The following TSC22D2 variants were observed in gnomAD, a reference collection of about 807,000 sequenced individuals.
TSC22D2 encodes TSC22 domain family member 2, also known as TSC22 domain family protein 2.
TSC22D2 carries 5 observed loss-of-function variants against 50.1 expected under a neutral mutation model. That is an observed-to-expected ratio of 0.10 (90% confidence interval 0.05 to 0.21). The LOEUF (loss-of-function observed/expected upper bound fraction) is 0.21, where lower values mean the gene tolerates loss of function less well. TSC22D2 is among the 10% of genes least tolerant of loss of function. The pLI, the probability that TSC22D2 is intolerant of heterozygous loss-of-function variation, is 1.00. For missense variants in TSC22D2, 1,003 were observed against 1,015.5 expected (o/e 0.99, Z 0.17); for synonymous variants, 501 against 450.1 (o/e 1.11, Z -1.43).
In TSC22D2 at chr3:150,456,740, C is replaced by T. The variant is rs140674172; in HGVS notation, c.1959-336C>T. ...GGTTAATGTAGAAATTTAAGAGATA[C>T]GGAGAAGACACTGCCCATTTAAAAT... On this transcript the variant is annotated intron_variant, in intron 1 of 2. Transcript: ENST00000688009. Among the ~76,000 whole-genome samples, 7 of 152,164 alleles carry T rather than the reference C, an allele frequency of 4.6e-5. No homozygotes were observed. The East Asian group carries it at 1.2e-3, about 25-fold the overall frequency.
intron 1 of TSC22D2, among the ~76,000 whole-genome samples, chr3:150,430,152 GCTT>G (rs1423799177): frequency 1.3e-5 from 2 of 152,090 alleles, no homozygotes; most frequent in East Asian, 1.9e-4. Context: ...ATTGGTCAAA[GCTT>G]CTTCAGGAGG....
rs1721295037 is a variant in TSC22D2, at chr3:150,459,167, A to G, written c.*531A>G. 1 of 152,706 alleles carries G rather than the reference A, an allele frequency of 6.5e-6. No individual in the cohort carries two copies. Among genetic ancestry groups the G allele is most frequent in the Admixed American group, 6.5e-5 (1 of 15,278 alleles). The allele number at this position is 152,706 out of a possible 1,614,324, so 9.5% of individuals were successfully genotyped here. A position where few individuals can be genotyped will look rare whatever the true frequency, so the allele number is the denominator to read the frequency against. On this transcript the variant is annotated 3_prime_UTR_variant, in exon 3 of 3. Coordinates refer to ENST00000688009, the MANE Select transcript of TSC22D2 (RefSeq NM_001303264.2). ...AATAATTATAAGTATCAGTAAAGGAAGTGAAAGACAGGATTGCATTTAATA... is the reference window on the plus strand; with the variant it reads ...AATAATTATAAGTATCAGTAAAGGAGGTGAAAGACAGGATTGCATTTAATA...
Position 150,411,119 on chromosome 3 carries a change from A to T in TSC22D2, c.1769A>T (p.Gln590Leu). Reference protein sequence around the residue: ...FQTQTQPLVGQVDDTRRKSEP... With the variant: ...FQTQTQPLVGLVDDTRRKSEP... ...ACTCAGACCCAGCCTTTAGTCGGGC[A>T]AGTCGACGATACTAGAAGAAAATCA... The change falls in exon 1 of 3, where the codon CAA becomes CTA. Residue 590 changes from glutamine to leucine, a missense_variant. Physicochemically the swap from Gln to Leu is moderately radical, Grantham distance 113. Coordinates refer to ENST00000688009, the MANE Select transcript of TSC22D2 (RefSeq NM_001303264.2). The T allele has an allele frequency of 6.2e-7, 1 of 1,614,152 alleles. No homozygotes were observed. Among genetic ancestry groups the T allele is most frequent in the Non-Finnish European group, 8.5e-7 (1 of 1,180,024 alleles).
In TSC22D2 at chr3:150,409,994, A is replaced by G; in HGVS notation, c.644A>G (p.Asp215Gly). ...ACTTTTGACCAGACTGCGGAGCGGG[A>G]CAGCGGCCTGGGCGCCACCGGAGGG... is the stretch of plus-strand genomic sequence containing the variant. ...SSTFDQTAER[D>G]SGLGATGGSV... is the part of the protein sequence containing the mutation. The change falls in exon 1 of 3, where the codon GAC becomes GGC. Residue 215 changes from aspartate to glycine, a missense_variant. Asp to Gly is a moderately conservative substitution (Grantham distance 94). This residue lies in a region of TSC22D2 where 696 missense variants were observed against 647.8 expected (regional missense o/e 1.07). Transcript: ENST00000688009. The surrounding 1 kb of genome is among the most constrained non-coding windows in gnomAD (Gnocchi z 7.4). 6.2e-7 allele frequency: 1 copy of G among 1,613,670 alleles called. No homozygotes were observed. Among genetic ancestry groups the G allele is most frequent in the Non-Finnish European group, 8.5e-7 (1 of 1,180,018 alleles).
chr3:150,453,467 C>T (rs1450343), intron 1 of TSC22D2, among the ~76,000 whole-genome samples: 119,989 of 152,216 alleles, frequency 0.79, 48,045 homozygotes, highest in African/African-American at 0.92. Context: ...ATTGGTATCT[C>T]CATCGTAAAT....
chr3:150,433,037 T>G (rs192116113), intron 1 of TSC22D2, among the ~76,000 whole-genome samples: 2 of 152,322 alleles, frequency 1.3e-5, no homozygotes, highest in African/African-American at 4.8e-5. Flanking sequence ...GTGTTTAAAC[T>G]TTAGTTGGCT....
At position 150,460,464 on chromosome 3, in the gene TSC22D2, A is replaced by G. The variant is rs1049337128; in HGVS notation, c.*1828A>G. 1.3e-5 allele frequency: 2 copies of G among 152,034 alleles called. No homozygotes were observed. The highest frequency in any genetic ancestry group is 2.9e-5 in the Non-Finnish European group (2 of 68,032). 9.4% of individuals were successfully genotyped at this position (152,034 alleles called of 1,614,324 possible). A position where few individuals can be genotyped will look rare whatever the true frequency, so the allele number is the denominator to read the frequency against. On this transcript the variant is annotated 3_prime_UTR_variant, in exon 3 of 3. Coordinates refer to ENST00000688009, the MANE Select transcript of TSC22D2 (RefSeq NM_001303264.2). ...AAGACTTATTTGAAGTAAAAATTTA[A>G]TCAGATTAGCCACAAACAAACAAGG...
chr3:150,420,887 G>A (rs1386474488), intron 1 of TSC22D2, among the ~76,000 whole-genome samples: 2 of 152,164 alleles, frequency 1.3e-5, no homozygotes, highest in African/African-American at 4.8e-5. Flanking sequence ...TTTGAGGCCA[G>A]CCTGGCCAAC....
chr3:150,455,721 CT>C (rs976777051), intron 1 of TSC22D2, among the ~76,000 whole-genome samples: 1 of 152,110 alleles, frequency 6.6e-6, no homozygotes, highest in African/African-American at 2.4e-5. Context: ...TCCACACCAT[CT>C]AAAGTAAAGT....
chr3:150,446,984 A>G (rs1720907757), intron 1 of TSC22D2, among the ~76,000 whole-genome samples: 2 of 152,228 alleles, frequency 1.3e-5, no homozygotes, highest in South Asian at 4.1e-4. Context: ...CTTTCAAGAA[A>G]TAGGCATAAA....
At chr3:150,457,986 A>T (rs1424605235) in intron 2 of TSC22D2, among the ~76,000 whole-genome samples, 1 of 152,218 alleles carries the variant, frequency 6.6e-6, no homozygotes, top group African/African-American at 2.4e-5. Flanking sequence ...GTCCAAAATT[A>T]CAGATCACTT....
chr3:150,461,227 T>A lies in TSC22D2; in HGVS notation c.*2591T>A, dbSNP rs1045256850. ...AAAAATGCAGAATTATTGTGGTGTC[T>A]GCCCTCTGCTTTCCCATCATCCCCT... is the stretch of plus-strand genomic sequence containing the variant. On this transcript the variant is annotated 3_prime_UTR_variant, in exon 3 of 3. Transcript: ENST00000688009. The A allele has an allele frequency of 6.6e-6, 1 of 152,200 alleles. No homozygotes were observed. Among genetic ancestry groups the A allele is most frequent in the Non-Finnish European group, 1.5e-5 (1 of 68,042 alleles). 9.4% of individuals were successfully genotyped at this position (152,200 alleles called of 1,614,324 possible). A position where few individuals can be genotyped will look rare whatever the true frequency, so the allele number is the denominator to read the frequency against.
In TSC22D2 at chr3:150,462,221, A is replaced by G. The variant is rs4414875; in HGVS notation, c.*3585A>G. 0.52 allele frequency: 79,570 copies of G among 151,902 alleles called. 20,974 individuals are homozygous for G. The highest frequency in any genetic ancestry group is 0.68 in the Middle Eastern group (199 of 294). The allele number at this position is 151,902 out of a possible 1,614,324, so 9.4% of individuals were successfully genotyped here. A position where few individuals can be genotyped will look rare whatever the true frequency, so the allele number is the denominator to read the frequency against. On this transcript the variant is annotated 3_prime_UTR_variant, in exon 3 of 3. Coordinates refer to ENST00000688009, the MANE Select transcript of TSC22D2 (RefSeq NM_001303264.2). ...GGAAGGGTGTTCCAAGCACAAGAAA[A>G]GAGAACTCAATGGCTTAAAAGTATA...
At chr3:150,445,366 G>A (rs1720850992) in intron 1 of TSC22D2, among the ~76,000 whole-genome samples, 2 of 149,464 alleles carry the variant, frequency 1.3e-5, no homozygotes, top group Non-Finnish European at 3.0e-5. Flanking sequence ...AATAAGCCTT[G>A]TAAATGTAAA....
Position 150,460,129 on chromosome 3 carries a change from CTA to C in TSC22D2, c.*1497_*1498del, listed in dbSNP as rs1312973349. ...TGCAGTTTTGTTGAAATATTTGGCT[CTA>C]TATGTGTTCAAAATTTGACTAGATT... On this transcript the variant is annotated 3_prime_UTR_variant, in exon 3 of 3. Coordinates refer to ENST00000688009, the MANE Select transcript of TSC22D2 (RefSeq NM_001303264.2). 2 of 152,050 alleles carry C rather than the reference CTA, an allele frequency of 1.3e-5. No homozygotes were observed. Among genetic ancestry groups the C allele is most frequent in the African/African-American group, 4.8e-5 (2 of 41,422 alleles). The allele number at this position is 152,050 out of a possible 1,614,324, so 9.4% of individuals were successfully genotyped here.
chr3:150,434,493 T>C (rs146191047), intron 1 of TSC22D2, among the ~76,000 whole-genome samples: 3 of 152,316 alleles, frequency 2.0e-5, no homozygotes, highest in East Asian at 3.9e-4. Flanking sequence ...ATTATACATA[T>C]ATTTGAGTAT....
At chr3:150,433,534 G>A (rs908740007) in intron 1 of TSC22D2, among the ~76,000 whole-genome samples, 5 of 152,204 alleles carry the variant, frequency 3.3e-5, no homozygotes, top group Non-Finnish European at 7.3e-5. Flanking sequence ...ACACAGTATC[G>A]GAAGGGGAAC....
chr3:150,451,525 A>G (rs150120527), intron 1 of TSC22D2, among the ~76,000 whole-genome samples: 1 of 152,176 alleles, frequency 6.6e-6, no homozygotes. Flanking sequence ...TAGTTAAAGC[A>G]CTCTTAATAA....
In TSC22D2 at chr3:150,462,495, T is replaced by C. The variant is rs1229533725; in HGVS notation, c.*3859T>C. The C allele has an allele frequency of 6.6e-6, 1 of 152,034 alleles. No homozygotes were observed. The highest frequency in any genetic ancestry group is 1.9e-4 in the East Asian group (1 of 5,190). The allele number at this position is 152,034 out of a possible 1,614,324, so 9.4% of individuals were successfully genotyped here. ...GAGGGATGACAATCCGGAAAATAAA[T>C]GAAAGGGCAAAATTACATAGGCAAT... On this transcript the variant is annotated 3_prime_UTR_variant, in exon 3 of 3. Coordinates refer to ENST00000688009, the MANE Select transcript of TSC22D2 (RefSeq NM_001303264.2).
Sources: allele counts gnomAD v4.1 joint callset (sites outside exome capture counted in the v4.1 genomes callset), GRCh38; gene constraint gnomAD v4.1.1; regional missense constraint gnomAD v4.1.1; non-coding constraint Gnocchi (gnomAD v3.1); transcripts MANE v1.5; gene names NCBI Gene and HGNC (gene_info 2026-07-23, HGNC 2026-07-21).